RUNDC3B: variants seen among roughly 807,000 people sequenced by gnomAD.
RUNDC3B encodes RUN domain-containing protein 3B.
In RUNDC3B, 33 loss-of-function variants were observed where a neutral mutation model predicts 58.4. The ratio of observed to expected loss-of-function variants is 0.56; its 90% CI spans 0.43 to 0.75. RUNDC3B has a LOEUF of 0.75. RUNDC3B is among the 30% of genes least tolerant of loss of function. The pLI is 0.00. For missense variants in RUNDC3B, 501 were observed against 535.7 expected (o/e 0.94, Z 0.64); for synonymous variants, 193 against 195.2 (o/e 0.99, Z 0.10).
intron 8 of RUNDC3B, among the ~76,000 whole-genome samples, chr7:87,805,815 A>T (rs571184872): frequency 8.5e-5 from 13 of 152,274 alleles, no homozygotes; most frequent in Admixed American, 3.9e-4. Flanking sequence ...AATGTTCACT[A>T]GATTCCCTCA....
At chr7:87,714,193 G>A (rs562448881) in intron 4 of RUNDC3B, among the ~76,000 whole-genome samples, 3 of 152,264 alleles carry the variant, frequency 2.0e-5, no homozygotes, top group South Asian at 2.1e-4. Context: ...GCAATGCAAC[G>A]GGGCTCTCTC....
intron 8 of RUNDC3B, among the ~76,000 whole-genome samples, chr7:87,803,077 A>G (rs887757022): frequency 1.3e-5 from 2 of 152,178 alleles, no homozygotes; most frequent in East Asian, 1.9e-4. Flanking sequence ...GGCAAAATAC[A>G]TATTTATACA....
chr7:87,728,372 T>C (rs1448105329), intron 4 of RUNDC3B, among the ~76,000 whole-genome samples: 3 of 152,200 alleles, frequency 2.0e-5, no homozygotes, highest in Admixed American at 2.0e-4. Context: ...TGTGTTAGTT[T>C]CCTATTGTTA....
chr7:87,787,949 A>G (rs1229846646), intron 8 of RUNDC3B, among the ~76,000 whole-genome samples: 1 of 152,210 alleles, frequency 6.6e-6, no homozygotes, highest in African/African-American at 2.4e-5. Flanking sequence ...TCTGATTTCC[A>G]AACGGCAATG....
At chr7:87,809,194 T>A (rs1279801276) in intron 9 of RUNDC3B, among the ~76,000 whole-genome samples, 1 of 152,188 alleles carries the variant, frequency 6.6e-6, no homozygotes, top group Non-Finnish European at 1.5e-5. Flanking sequence ...TTCCTGTTCA[T>A]CTGTTTAGCA....
chr7:87,703,939 T>TTTTTTTTTTTTTTTTTTTTTTG, intron 3 of RUNDC3B, among the ~76,000 whole-genome samples: 1 of 130,584 alleles, frequency 7.7e-6, no homozygotes, highest in Non-Finnish European at 1.6e-5. Flanking sequence ...TTTTTTTTTT[T>TTTTTTTTTTTTTTTTTTTTTTG]TGAGACAGTC....
chr7:87,769,134 G>A (rs1834129770), intron 6 of RUNDC3B, among the ~76,000 whole-genome samples: 1 of 151,604 alleles, frequency 6.6e-6, no homozygotes, highest in African/African-American at 2.4e-5. Context: ...CCATGTAGCT[G>A]GGATTACAGG....
intron 6 of RUNDC3B, among the ~76,000 whole-genome samples, chr7:87,746,006 T>C (rs1177846162): frequency 2.0e-5 from 3 of 147,492 alleles, no homozygotes; most frequent in Non-Finnish European, 3.1e-5. Context: ...TGTGTCATTA[T>C]TGTTGTTCAG....
At chr7:87,814,111 T>G (rs910070816) in intron 9 of RUNDC3B, among the ~76,000 whole-genome samples, 1 of 151,286 alleles carries the variant, frequency 6.6e-6, no homozygotes, top group African/African-American at 2.4e-5. Flanking sequence ...CTTTTTTTTT[T>G]TTTTTTGAGA....
At chr7:87,744,217 A>G (rs754639575) in intron 6 of RUNDC3B, among the ~76,000 whole-genome samples, 6 of 152,062 alleles carry the variant, frequency 3.9e-5, no homozygotes, top group Non-Finnish European at 8.8e-5. Context: ...GACTAGGGCC[A>G]TATAGTATAG....
At chr7:87,801,475 C>T (rs138153324) in intron 8 of RUNDC3B, among the ~76,000 whole-genome samples, 31 of 152,082 alleles carry the variant, frequency 2.0e-4, no homozygotes, top group African/African-American at 6.0e-4. Context: ...ATTAATATTC[C>T]GATTGGGCGT....
At chr7:87,743,762 G>T (rs1345883116) in intron 6 of RUNDC3B, among the ~76,000 whole-genome samples, 3 of 151,908 alleles carry the variant, frequency 2.0e-5, no homozygotes, top group Non-Finnish European at 4.4e-5. Flanking sequence ...CTCCTCTGTG[G>T]GTTGTCTTAC....
At chr7:87,659,617 G>A (rs1367525780) in intron 2 of RUNDC3B, among the ~76,000 whole-genome samples, 1 of 152,102 alleles carries the variant, frequency 6.6e-6, no homozygotes, top group Non-Finnish European at 1.5e-5. Flanking sequence ...GAAGGATAAA[G>A]CAAGTTTGTT....
chr7:87,802,977 C>T (rs1836252316), intron 8 of RUNDC3B, among the ~76,000 whole-genome samples: 2 of 151,438 alleles, frequency 1.3e-5, no homozygotes, highest in African/African-American at 2.4e-5. Flanking sequence ...AGATTGAGAC[C>T]CTACTCAAAA....
At chr7:87,810,108 A>G (rs1438782486) in intron 9 of RUNDC3B, among the ~76,000 whole-genome samples, 2 of 152,140 alleles carry the variant, frequency 1.3e-5, no homozygotes, top group Non-Finnish European at 2.9e-5. Flanking sequence ...CTATTTCTCT[A>G]GGAACTCTGT....
intron 2 of RUNDC3B, among the ~76,000 whole-genome samples, chr7:87,660,062 CTG>C (rs561030728): frequency 5.7e-4 from 87 of 152,122 alleles, no homozygotes; most frequent in Non-Finnish European, 1.0e-3. Context: ...TAAAATTAGT[CTG>C]TTTTGTGCTT....
At chr7:87,715,018 C>A (rs1830432327) in intron 4 of RUNDC3B, among the ~76,000 whole-genome samples, 1 of 151,532 alleles carries the variant, frequency 6.6e-6, no homozygotes, top group African/African-American at 2.4e-5. Context: ...AGGAGCATTT[C>A]ATCTTTTATT....
intron 7 of RUNDC3B, 112 bp downstream of exon 7, chr7:87,770,861 C>T: frequency 1.4e-6 from 1 of 700,404 alleles, no homozygotes; most frequent in Non-Finnish European, 2.3e-6. Flanking sequence ...TGCTGCTTCT[C>T]TTCTGTTTTT....
chr7:87,638,344 T>TG (rs1822033916), intron 1 of RUNDC3B, among the ~76,000 whole-genome samples: 4 of 116,394 alleles, frequency 3.4e-5, no homozygotes, highest in East Asian at 2.9e-4. Context: ...GAAGTATGTG[T>TG]TTGTGTGTGT....
Sources: allele counts gnomAD v4.1 joint callset (sites outside exome capture counted in the v4.1 genomes callset), GRCh38; gene constraint gnomAD v4.1.1; transcripts MANE v1.5; gene names NCBI Gene and HGNC (gene_info 2026-07-23, HGNC 2026-07-21).